FGF13: variants seen among roughly 807,000 people sequenced by gnomAD.
FGF13 encodes the protein fibroblast growth factor homologous factor 2.
A neutral mutation model predicts 19.5 loss-of-function variants in FGF13; 2 were observed. The ratio of observed to expected loss-of-function variants is 0.10; its 90% CI spans 0.04 to 0.32. The LOEUF (loss-of-function observed/expected upper bound fraction) is 0.32, where lower values mean the gene tolerates loss of function less well. FGF13 is among the 10% of genes least tolerant of loss of function. The pLI is 1.00. For synonymous variants in FGF13, 72 were observed against 76.9 expected (o/e 0.94, Z 0.33); for missense variants, 113 against 192.7 (o/e 0.59, Z 2.45).
chrX:138,648,678 G>T (rs2089333515), intron 3 of FGF13, among the ~76,000 whole-genome samples: 1 of 111,164 alleles, frequency 9.0e-6, no homozygotes, highest in South Asian at 3.8e-4. Context: ...CATCCCAGTT[G>T]TGTCATGTCA....
chrX:139,028,664 AAAGAG>A (rs199679876), intron 1 of FGF13, among the ~76,000 whole-genome samples: 18,713 of 52,970 alleles, frequency 0.35, 1,743 homozygotes, highest in South Asian at 0.46. Flanking sequence ...AGAGAGAGAG[AAAGAG>A]AGAGTGTGTG....
intron 1 of FGF13, among the ~76,000 whole-genome samples, chrX:138,945,896 T>G (rs1204928498): frequency 8.9e-6 from 1 of 111,871 alleles, no homozygotes; most frequent in Non-Finnish European, 1.9e-5. Context: ...TTTTGCATTT[T>G]TTTAACTTTA....
intron 3 of FGF13, among the ~76,000 whole-genome samples, chrX:138,838,827 T>C (rs2091130238): frequency 9.0e-6 from 1 of 111,571 alleles, no homozygotes; most frequent in Non-Finnish European, 1.9e-5. Context: ...GTCTCACCCA[T>C]ATATGACTTA....
At chrX:138,985,467 T>C (rs972669416) in intron 1 of FGF13, among the ~76,000 whole-genome samples, 3 of 112,077 alleles carry the variant, frequency 2.7e-5, no homozygotes, top group African/African-American at 6.5e-5. Context: ...TCAATCATTC[T>C]TGTTTATTAC....
At chrX:138,682,613 T>A (rs1047304646) in intron 3 of FGF13, among the ~76,000 whole-genome samples, 1 of 112,379 alleles carries the variant, frequency 8.9e-6, no homozygotes, top group Non-Finnish European at 1.9e-5. Context: ...AATTATCCAA[T>A]CTATAGTTCC....
chrX:138,875,684 C>T (rs1037941591), intron 1 of FGF13, among the ~76,000 whole-genome samples: 1 of 111,090 alleles, frequency 9.0e-6, no homozygotes, highest in African/African-American at 3.3e-5. Context: ...CTGAATAGAA[C>T]AAGAGGACTG....
intron 1 of FGF13, among the ~76,000 whole-genome samples, chrX:139,144,809 A>G (rs1163882355): frequency 9.0e-6 from 1 of 111,489 alleles, no homozygotes; most frequent in Non-Finnish European, 1.9e-5. Flanking sequence ...ACAGTACTCC[A>G]AAGACCTTAT....
intron 1 of FGF13, among the ~76,000 whole-genome samples, chrX:139,071,755 C>G (rs2092377295): frequency 9.1e-6 from 1 of 110,306 alleles, no homozygotes; most frequent in Admixed American, 9.7e-5. Flanking sequence ...CGGTGGCTCA[C>G]CCCTGTAATC....
chrX:138,918,076 C>T (rs771339879), intron 1 of FGF13, among the ~76,000 whole-genome samples: 58 of 109,827 alleles, frequency 5.3e-4, no homozygotes, highest in African/African-American at 1.9e-3. Context: ...GATGGGGAGA[C>T]GAATCATACC....
chrX:138,677,838 C>T (rs2089687366), intron 3 of FGF13, among the ~76,000 whole-genome samples: 1 of 112,015 alleles, frequency 8.9e-6, no homozygotes, highest in South Asian at 3.7e-4. Context: ...GGTATATACC[C>T]AAAGGACTAT....
At chrX:139,058,200 T>C (rs1477492487) in intron 1 of FGF13, among the ~76,000 whole-genome samples, 1 of 112,118 alleles carries the variant, frequency 8.9e-6, no homozygotes, top group Non-Finnish European at 1.9e-5. Context: ...GTAGCTTTGA[T>C]GTGATTTTCT....
chrX:138,825,989 C>G (rs1219911031), intron 3 of FGF13, among the ~76,000 whole-genome samples: 1 of 111,344 alleles, frequency 9.0e-6, no homozygotes. Flanking sequence ...ACTGGGACAA[C>G]CTATGAGGAC....
chrX:139,054,631 G>A (rs2092314849), intron 1 of FGF13, among the ~76,000 whole-genome samples: 1 of 111,666 alleles, frequency 9.0e-6, no homozygotes, highest in Non-Finnish European at 1.9e-5. Context: ...GTATTTTAAT[G>A]GGAATTGCAT....
At chrX:138,809,197 T>A (rs1416972676) in intron 3 of FGF13, among the ~76,000 whole-genome samples, 2 of 111,844 alleles carry the variant, frequency 1.8e-5, no homozygotes, top group Non-Finnish European at 3.8e-5. Flanking sequence ...AAATCTTCAA[T>A]AAAATACTGG....
At chrX:139,026,367 G>T (rs982834048) in intron 1 of FGF13, among the ~76,000 whole-genome samples, 4 of 111,596 alleles carry the variant, frequency 3.6e-5, no homozygotes, top group Non-Finnish European at 7.5e-5. Context: ...TATTAAATGA[G>T]ATAAAAAGTG....
At chrX:138,882,849 C>T (rs2091434101) in intron 1 of FGF13, among the ~76,000 whole-genome samples, 1 of 111,427 alleles carries the variant, frequency 9.0e-6, no homozygotes, top group South Asian at 3.8e-4. Flanking sequence ...CCTTCCCCTT[C>T]CCTCCCTCAA....
chrX:139,009,075 G>T (rs146064557), intron 1 of FGF13, among the ~76,000 whole-genome samples: 2 of 111,446 alleles, frequency 1.8e-5, no homozygotes, highest in East Asian at 5.7e-4. Flanking sequence ...CTCAGCAATA[G>T]AATCGAACAA....
rs1252823371 is a variant in FGF13, at chrX:138,708,888, T to C, written c.228A>G (p.Arg76=). 1.7e-6 allele frequency: 2 copies of C among 1,207,897 alleles called. No individual in the cohort carries two copies. The highest frequency in any genetic ancestry group is 2.2e-6 in the Non-Finnish European group (2 of 893,014). Residue 76 remains arginine, a synonymous_variant, in exon 2 of 5, where the codon CGA becomes CGG. Transcript: ENST00000315930. ...LKGIVTKLYS[R]QGYHLQLQAD... is the part of the protein sequence containing the mutation. ...CCTGCAGCTGCAAGTGGTAGCCTTG[T>C]CGGCTGTATAGCTTGGTAACTATAC...
intron 3 of FGF13, among the ~76,000 whole-genome samples, chrX:138,815,734 A>C (rs185855653): frequency 9.0e-6 from 1 of 110,773 alleles, no homozygotes; most frequent in East Asian, 2.8e-4. Context: ...ACTAACCTGC[A>C]CAATGTGCAC....
Sources: gnomAD v4.1 joint callset for allele counts (sites outside exome capture counted in the v4.1 genomes callset) on GRCh38, gnomAD v4.1.1 for gene constraint, MANE v1.5 for transcripts, NCBI Gene and HGNC (gene_info 2026-07-23, HGNC 2026-07-21) for gene names.